The following IFT25 variants were observed in gnomAD, a reference collection of about 807,000 sequenced individuals.
IFT25 encodes the protein intraflagellar transport 25.
the IFT25 span, chr1:53,921,668 A>C: frequency 6.3e-7 from 1 of 1,598,738 alleles, no homozygotes; most frequent in Non-Finnish European, 8.6e-7. Context: ...GAAAGATTTG[A>C]GACTACTGTT....
the IFT25 span, among the ~76,000 whole-genome samples, chr1:53,918,806 T>C: frequency 1.3e-5 from 2 of 152,110 alleles, no homozygotes; most frequent in Admixed American, 6.5e-5. Flanking sequence ...CTGTAGTAGA[T>C]TGTAGCATTA....
the IFT25 span, among the ~76,000 whole-genome samples, chr1:53,925,670 A>C: frequency 6.6e-6 from 1 of 151,892 alleles, no homozygotes; most frequent in Admixed American, 6.5e-5. Flanking sequence ...GTCTCAAAAA[A>C]AAAAAAAGAA....
the IFT25 span, among the ~76,000 whole-genome samples, chr1:53,912,711 G>A: frequency 3.2e-3 from 487 of 152,322 alleles, 5 homozygotes; most frequent in African/African-American, 0.011. Context: ...GACTGCAAGA[G>A]GTTTGGGTTC....
the IFT25 span, among the ~76,000 whole-genome samples, chr1:53,940,447 A>C: frequency 1.3e-5 from 2 of 152,252 alleles, no homozygotes; most frequent in Admixed American, 6.5e-5. Context: ...AAAGAGAAAC[A>C]AAAGAATAAA....
the IFT25 span, chr1:53,939,819 C>A: frequency 1.7e-6 from 1 of 580,502 alleles, no homozygotes. Flanking sequence ...CCTAAATATA[C>A]ACAACTCAAT....
chr1:53,944,685 C>T, the IFT25 span, among the ~76,000 whole-genome samples: 1 of 152,122 alleles, frequency 6.6e-6, no homozygotes, highest in Non-Finnish European at 1.5e-5. Context: ...GTCTAATCCC[C>T]CACCCCTTTA....
At chr1:53,934,954 G>A in the IFT25 span, among the ~76,000 whole-genome samples, 18,339 of 152,184 alleles carry the variant, frequency 0.12, 1,337 homozygotes, top group African/African-American at 0.2. Flanking sequence ...AGCTGAGACT[G>A]CACCACTGCA....
chr1:53,930,077 T>C, the IFT25 span: 19 of 1,578,084 alleles, frequency 1.2e-5, no homozygotes, highest in Non-Finnish European at 1.5e-5. Flanking sequence ...AATCCTTACA[T>C]GTTTGTGGAA....
the IFT25 span, chr1:53,921,641 TTTG>T: frequency 2.7e-6 from 4 of 1,484,322 alleles, no homozygotes; most frequent in South Asian, 4.6e-5. Context: ...GCAAGAGCAT[TTTG>T]TTATCATTAT....
the IFT25 span, among the ~76,000 whole-genome samples, chr1:53,926,196 A>T: frequency 6.6e-6 from 1 of 151,878 alleles, no homozygotes; most frequent in South Asian, 2.1e-4. Context: ...CCTAGATTGG[A>T]GTGTACTGGC....
At chr1:53,926,796 C>T in the IFT25 span, among the ~76,000 whole-genome samples, 1 of 151,788 alleles carries the variant, frequency 6.6e-6, no homozygotes, top group Non-Finnish European at 1.5e-5. Context: ...GATCACAGCT[C>T]ATTGCAGTCT....
chr1:53,926,246 A>C, the IFT25 span, among the ~76,000 whole-genome samples: 1 of 152,148 alleles, frequency 6.6e-6, no homozygotes, highest in Non-Finnish European at 1.5e-5. Flanking sequence ...CTGAGGCTCA[A>C]GTGATCCTCC....
the IFT25 span, chr1:53,928,611 A>C: frequency 1.8e-6 from 1 of 552,284 alleles, no homozygotes; most frequent in Non-Finnish European, 3.2e-6. Flanking sequence ...CCTATGGTAA[A>C]ATATAGTCTT....
the IFT25 span, among the ~76,000 whole-genome samples, chr1:53,919,635 A>G: frequency 6.6e-6 from 1 of 152,242 alleles, no homozygotes; most frequent in Non-Finnish European, 1.5e-5. Context: ...GGTTTGTAAC[A>G]GAGCAAAAGC....
chr1:53,936,269 T>C, the IFT25 span, among the ~76,000 whole-genome samples: 4 of 150,280 alleles, frequency 2.7e-5, no homozygotes, highest in East Asian at 2.0e-4. Context: ...GCCTAGGCAA[T>C]AGAACAAGAT....
the IFT25 span, among the ~76,000 whole-genome samples, chr1:53,917,398 T>C: frequency 6.6e-6 from 1 of 152,238 alleles, no homozygotes; most frequent in East Asian, 1.9e-4. Context: ...ATATGCTTTA[T>C]ATGCATTTCA....
At chr1:53,923,775 C>CAACTG in the IFT25 span, 1 of 650,804 alleles carries the variant, frequency 1.5e-6, no homozygotes, top group Non-Finnish European at 2.7e-6. Flanking sequence ...ATAACTTTCT[C>CAACTG]TACCGGTTGA....
the IFT25 span, among the ~76,000 whole-genome samples, chr1:53,937,772 C>A: frequency 1.3e-5 from 2 of 152,140 alleles, no homozygotes. Context: ...TCTGGAAAGT[C>A]CTCTATTTCT....
At chr1:53,917,795 C>G in the IFT25 span, among the ~76,000 whole-genome samples, 9 of 151,958 alleles carry the variant, frequency 5.9e-5, no homozygotes, top group African/African-American at 2.2e-4. Flanking sequence ...CCACTGCACT[C>G]CAGCCTGGGC....
Sources: gnomAD v4.1 joint callset for allele counts (sites outside exome capture counted in the v4.1 genomes callset) on GRCh38, gnomAD v4.1.1 for gene constraint, MANE v1.5 for transcripts, NCBI Gene and HGNC (gene_info 2026-07-23, HGNC 2026-07-21) for gene names.